The following KCNB2 variants were observed in gnomAD, a reference collection of about 807,000 sequenced individuals.
KCNB2 encodes the protein delayed rectifier potassium channel protein.
A neutral mutation model predicts 61.5 loss-of-function variants in KCNB2; 15 were observed. The ratio of observed to expected loss-of-function variants is 0.24; its 90% CI spans 0.16 to 0.38. The LOEUF is 0.38. Among genes scored for constraint, KCNB2 ranks in the 10% least tolerant of loss-of-function variants. The pLI is 1.00. For missense variants in KCNB2, 828 were observed against 1,125.2 expected, an observed-to-expected ratio of 0.74 and a Z score of 3.78; for synonymous variants, 457 against 446.0, an observed-to-expected ratio of 1.02 and a Z score of -0.31.
intron 1 of KCNB2, among the ~76,000 whole-genome samples, chr8:72,545,130 A>T (rs1341037108): frequency 1.3e-5 from 2 of 152,166 alleles, no homozygotes; most frequent in Admixed American, 1.3e-4. Flanking sequence ...AATCTCACCT[A>T]GTCACTGTAT....
At chr8:72,830,317 G>A (rs1356012978) in intron 2 of KCNB2, among the ~76,000 whole-genome samples, 1 of 150,450 alleles carries the variant, frequency 6.6e-6, no homozygotes, top group Non-Finnish European at 1.5e-5. Context: ...CTATCCAGAC[G>A]ATTATCCTCA....
intron 2 of KCNB2, among the ~76,000 whole-genome samples, chr8:72,609,168 C>G (rs1272584646): frequency 6.6e-6 from 1 of 152,100 alleles, no homozygotes; most frequent in African/African-American, 2.4e-5. Flanking sequence ...CATATAGTAG[C>G]TAATTAAATA....
chr8:72,768,521 A>T (rs1274155875), intron 2 of KCNB2, among the ~76,000 whole-genome samples: 1 of 151,908 alleles, frequency 6.6e-6, no homozygotes, highest in African/African-American at 2.4e-5. Flanking sequence ...GCTGTATTAT[A>T]TGCAGCACAA....
intron 2 of KCNB2, among the ~76,000 whole-genome samples, chr8:72,676,158 A>C (rs979099583): frequency 1.3e-5 from 2 of 152,138 alleles, no homozygotes; most frequent in African/African-American, 2.4e-5. Flanking sequence ...TAGAGGTGCA[A>C]ATTTTGAGGA....
intron 2 of KCNB2, among the ~76,000 whole-genome samples, chr8:72,715,381 C>T (rs555483775): frequency 7.9e-5 from 12 of 152,306 alleles, no homozygotes; most frequent in African/African-American, 2.9e-4. Context: ...CCACACCACA[C>T]CTATTCCAAA....
intron 2 of KCNB2, among the ~76,000 whole-genome samples, chr8:72,919,875 C>T (rs1806474574): frequency 6.6e-6 from 1 of 152,038 alleles, no homozygotes; most frequent in Non-Finnish European, 1.5e-5. Context: ...CATATGTCTT[C>T]ATCTATGAAG....
chr8:72,904,815 C>T, intron 2 of KCNB2, among the ~76,000 whole-genome samples: 1 of 151,920 alleles, frequency 6.6e-6, no homozygotes, highest in Admixed American at 6.6e-5. Flanking sequence ...AAATGCCTCC[C>T]CACCCCTCTC....
At chr8:72,727,562 A>G (rs1464315925) in intron 2 of KCNB2, among the ~76,000 whole-genome samples, 1 of 152,224 alleles carries the variant, frequency 6.6e-6, no homozygotes, top group Non-Finnish European at 1.5e-5. Context: ...CAGCATAGAT[A>G]AAGTCTTTAT....
At chr8:72,654,728 A>G (rs1374261001) in intron 2 of KCNB2, among the ~76,000 whole-genome samples, 3 of 152,206 alleles carry the variant, frequency 2.0e-5, no homozygotes, top group Non-Finnish European at 4.4e-5. Context: ...AAAAGCAACT[A>G]GTGAACCTGA....
At chr8:72,683,227 C>T (rs1461273144) in intron 2 of KCNB2, among the ~76,000 whole-genome samples, 5 of 152,210 alleles carry the variant, frequency 3.3e-5, no homozygotes, top group African/African-American at 1.2e-4. Context: ...TTGGCACTGT[C>T]CCTAAGCCTT....
intron 2 of KCNB2, among the ~76,000 whole-genome samples, chr8:72,772,116 G>A (rs1446016879): frequency 6.6e-6 from 1 of 152,132 alleles, no homozygotes; most frequent in African/African-American, 2.4e-5. Flanking sequence ...CAAGAGCCAG[G>A]CACAGTGGAT....
At chr8:72,761,844 A>C (rs986090091) in intron 2 of KCNB2, among the ~76,000 whole-genome samples, 1 of 152,170 alleles carries the variant, frequency 6.6e-6, no homozygotes, top group African/African-American at 2.4e-5. Context: ...CAGCCTGTAC[A>C]AGTCTCAGGA....
intron 2 of KCNB2, among the ~76,000 whole-genome samples, chr8:72,778,602 G>A (rs887895467): frequency 1.3e-5 from 2 of 151,026 alleles, no homozygotes; most frequent in Non-Finnish European, 3.0e-5. Flanking sequence ...GGGTGTGATG[G>A]CATGCACCTA....
At chr8:72,698,920 A>G (rs973758445) in intron 2 of KCNB2, among the ~76,000 whole-genome samples, 1 of 152,172 alleles carries the variant, frequency 6.6e-6, no homozygotes, top group Non-Finnish European at 1.5e-5. Flanking sequence ...CATAGAAGAA[A>G]ACCTAGGAAA....
intron 2 of KCNB2, among the ~76,000 whole-genome samples, chr8:72,708,201 C>T (rs767849906): frequency 1.3e-5 from 2 of 152,238 alleles, no homozygotes; most frequent in East Asian, 1.9e-4. Flanking sequence ...AGCAAGATAT[C>T]GGGAAGGGTG....
intron 2 of KCNB2, among the ~76,000 whole-genome samples, chr8:72,917,239 ACT>A (rs1371983011): frequency 1.3e-5 from 2 of 152,328 alleles, no homozygotes; most frequent in African/African-American, 4.8e-5. Context: ...AGTGAAATAA[ACT>A]CATGTACAGC....
At chr8:72,702,297 G>A (rs114695043) in intron 2 of KCNB2, among the ~76,000 whole-genome samples, 2,724 of 152,060 alleles carry the variant, frequency 0.018, 65 homozygotes, top group African/African-American at 0.06. Context: ...CCTACCCTCC[G>A]CTTGTCATTT....
At chr8:72,757,255 A>G (rs1808304511) in intron 2 of KCNB2, among the ~76,000 whole-genome samples, 2 of 152,166 alleles carry the variant, frequency 1.3e-5, no homozygotes, top group Non-Finnish European at 2.9e-5. Context: ...TAGATCCAGT[A>G]TGGTGTCTAT....
chr8:72,748,266 T>G lies in KCNB2; in HGVS notation c.579+179953T>G, dbSNP rs530790666. On this transcript the variant is annotated intron_variant, in intron 2 of 2. Transcript: ENST00000523207. Reference sequence around the variant, plus strand: ...ATTGACCTGAAAAACGTGAAGTATTTTTTTTCCTTCTGAAGACACTTACTG... The same window carrying G: ...ATTGACCTGAAAAACGTGAAGTATTGTTTTTCCTTCTGAAGACACTTACTG... Among the ~76,000 whole-genome samples the G allele has an allele frequency of 2.0e-5, 3 of 152,304 alleles. No individual in the cohort carries two copies. In the South Asian group the frequency reaches 6.2e-4, roughly 32 times the overall value.
Sources: gnomAD v4.1 joint callset for allele counts (sites outside exome capture counted in the v4.1 genomes callset) on GRCh38, gnomAD v4.1.1 for gene constraint, MANE v1.5 for transcripts, NCBI Gene and HGNC (gene_info 2026-07-23, HGNC 2026-07-21) for gene names.